NEMP2: variants seen among roughly 807,000 people sequenced by gnomAD.
NEMP2 encodes nuclear envelope integral membrane protein 2.
Under a neutral mutation model 54.2 loss-of-function variants are expected in NEMP2, and 53 were observed. That is an observed-to-expected ratio of 0.98 (90% CI 0.78 to 1.23). NEMP2 has a LOEUF of 1.23. Ranked by LOEUF, NEMP2 falls within the 50% of genes most tolerant of loss-of-function variation. The probability of loss-of-function intolerance (pLI) is 0.00; values close to 1 mark genes in which losing one functional copy is unlikely to be tolerated. For missense variants in NEMP2, 455 were observed against 511.3 expected (o/e 0.89, Z 1.06); for synonymous variants, 197 against 190.3 (o/e 1.04, Z -0.29).
chr2:190,518,281 TTCTC>T (rs1203847364), intron 4 of NEMP2, among the ~76,000 whole-genome samples: 2 of 152,230 alleles, frequency 1.3e-5, no homozygotes, highest in African/African-American at 2.4e-5. Flanking sequence ...ATGATAATGT[TTCTC>T]TAAGAGTCAG....
At chr2:190,428,971 C>T in the NEMP2 span, among the ~76,000 whole-genome samples, 1 of 152,128 alleles carries the variant, frequency 6.6e-6, no homozygotes, top group Non-Finnish European at 1.5e-5. Flanking sequence ...CCATGCCCAG[C>T]CTCAATCTTT....
the NEMP2 span, chr2:190,436,760 C>G: frequency 6.2e-7 from 1 of 1,614,212 alleles, no homozygotes; most frequent in Non-Finnish European, 8.5e-7. This position sits in a 1 kb window ranked among gnomAD's most constrained non-coding sequence, Gnocchi z 5.3. Context: ...ACTTTGAACT[C>G]AAGCACAGCA....
At chr2:190,547,167 G>A in the NEMP2 span, among the ~76,000 whole-genome samples, 1 of 152,164 alleles carries the variant, frequency 6.6e-6, no homozygotes, top group Non-Finnish European at 1.5e-5. The surrounding 1 kb of genome is among the most constrained non-coding windows in gnomAD (Gnocchi z 6.2). Context: ...GCGGTGGAGC[G>A]AGTGTCTGGT....
At chr2:190,611,593 C>A in the NEMP2 span, among the ~76,000 whole-genome samples, 1 of 152,194 alleles carries the variant, frequency 6.6e-6, no homozygotes, top group Non-Finnish European at 1.5e-5. The surrounding 1 kb of genome is among the most constrained non-coding windows in gnomAD (Gnocchi z 5.4). Flanking sequence ...AATATGTTTA[C>A]ACACAAAATT....
chr2:190,586,004 G>C, the NEMP2 span, among the ~76,000 whole-genome samples: 1 of 152,164 alleles, frequency 6.6e-6, no homozygotes, highest in Non-Finnish European at 1.5e-5. This position sits in a 1 kb window ranked among gnomAD's most constrained non-coding sequence, Gnocchi z 4.5. Flanking sequence ...CCCACACAGA[G>C]AGTTGTTGGA....
chr2:190,500,132 C>A (rs1269384680), downstream of NEMP2: 1 of 1,614,158 alleles, frequency 6.2e-7, no homozygotes, highest in Non-Finnish European at 8.5e-7. This position sits in a 1 kb window ranked among gnomAD's most constrained non-coding sequence, Gnocchi z 5.3. Flanking sequence ...ATCTCAGACG[C>A]AGACCAGCCC....
At chr2:190,624,038 C>T in the NEMP2 span, among the ~76,000 whole-genome samples, 1 of 152,174 alleles carries the variant, frequency 6.6e-6, no homozygotes, top group Non-Finnish European at 1.5e-5. Flanking sequence ...ATCCCAGCTA[C>T]TTAGGAGGCT....
the NEMP2 span, among the ~76,000 whole-genome samples, chr2:190,601,597 A>G: frequency 6.6e-6 from 1 of 152,184 alleles, no homozygotes; most frequent in Non-Finnish European, 1.5e-5. The surrounding 1 kb of genome is among the most constrained non-coding windows in gnomAD (Gnocchi z 5.8). Context: ...TAAAAATATA[A>G]TTTCCGAGCA....
rs890416702 is a variant in NEMP2, at chr2:190,522,301, T to C, written c.213+2962A>G. ...GTCACTAGTTGGGGGATGGGTTCAG[T>C]AGAGCCCAAACCCCAGCATTACACA... On this transcript the variant is annotated intron_variant, in intron 2 of 8. Transcript: ENST00000409150. The surrounding 1 kb of genome is among the most constrained non-coding windows in gnomAD (Gnocchi z 5.0). 6.6e-6 allele frequency among the ~76,000 whole-genome samples: 1 copy of C among 151,944 alleles called. No individual in the cohort carries two copies. The highest frequency in any genetic ancestry group is 1.5e-5 in the Non-Finnish European group (1 of 68,002).
upstream of NEMP2, among the ~76,000 whole-genome samples, chr2:190,535,570 T>C (rs1467983515): frequency 1.3e-5 from 2 of 152,254 alleles, no homozygotes; most frequent in Admixed American, 6.5e-5. Context: ...AATTCTGGTC[T>C]TTTGGTGAGA....
At chr2:190,474,265 A>G in the NEMP2 span, among the ~76,000 whole-genome samples, 18 of 152,306 alleles carry the variant, frequency 1.2e-4, no homozygotes, top group Middle Eastern at 3.4e-3. Context: ...CAAAAAATCA[A>G]TGAATCCAGG....
chr2:190,447,413 G>A, the NEMP2 span, among the ~76,000 whole-genome samples: 20 of 152,196 alleles, frequency 1.3e-4, 1 homozygote, highest in South Asian at 4.1e-3. The surrounding 1 kb of genome is among the most constrained non-coding windows in gnomAD (Gnocchi z 4.5). Context: ...GTTAAAATAT[G>A]GCATTTATGG....
the NEMP2 span, chr2:190,436,288 C>T: frequency 6.2e-7 from 1 of 1,614,040 alleles, no homozygotes; most frequent in Non-Finnish European, 8.5e-7. This position sits in a 1 kb window ranked among gnomAD's most constrained non-coding sequence, Gnocchi z 5.3. Flanking sequence ...CTCTCTCTAT[C>T]CCCTTTTGCC....
chr2:190,604,780 C>T, the NEMP2 span, among the ~76,000 whole-genome samples: 509 of 148,782 alleles, frequency 3.4e-3, 3 homozygotes, highest in African/African-American at 0.012. This position sits in a 1 kb window ranked among gnomAD's most constrained non-coding sequence, Gnocchi z 4.5. Context: ...AGCTCTCTCC[C>T]TAACCTGACT....
chr2:190,545,134 G>GA, the NEMP2 span, among the ~76,000 whole-genome samples: 6 of 151,346 alleles, frequency 4.0e-5, no homozygotes, highest in African/African-American at 7.3e-5. Context: ...AAAAAAGTAA[G>GA]AAAAAAAAAG....
intron 1 of NEMP2, chr2:190,534,280 T>G: frequency 6.0e-6 from 7 of 1,157,806 alleles, no homozygotes; most frequent in Non-Finnish European, 7.5e-6. Context: ...TGAGTTTCGG[T>G]TGCTTCTGTA....
chr2:190,478,827 G>A, the NEMP2 span, among the ~76,000 whole-genome samples: 1 of 57,536 alleles, frequency 1.7e-5, no homozygotes, highest in African/African-American at 4.4e-5. Flanking sequence ...ATACAAGAGG[G>A]TCTTCCTTAA....
chr2:190,451,221 G>C, the NEMP2 span, among the ~76,000 whole-genome samples: 3 of 152,160 alleles, frequency 2.0e-5, no homozygotes, highest in African/African-American at 7.2e-5. This position sits in a 1 kb window ranked among gnomAD's most constrained non-coding sequence, Gnocchi z 5.0. Context: ...GTCTAACATT[G>C]GATAAGTCAG....
At chr2:190,631,882 C>T in the NEMP2 span, among the ~76,000 whole-genome samples, 5 of 152,040 alleles carry the variant, frequency 3.3e-5, no homozygotes, top group African/African-American at 7.3e-5. Context: ...ATGACAAAAC[C>T]CCATCTCTAC....
Sources: gnomAD v4.1 joint callset for allele counts (sites outside exome capture counted in the v4.1 genomes callset) on GRCh38, gnomAD v4.1.1 for gene constraint, Gnocchi (gnomAD v3.1) non-coding constraint, MANE v1.5 for transcripts, NCBI Gene and HGNC (gene_info 2026-07-23, HGNC 2026-07-21) for gene names.